CAPN9: variants seen among roughly 807,000 people sequenced by gnomAD.
CAPN9 encodes the protein calpain-9.
A neutral mutation model predicts 92.8 loss-of-function variants in CAPN9; 81 were observed. That is an observed-to-expected ratio of 0.87 (90% CI 0.73 to 1.05). CAPN9 has a LOEUF of 1.05. Ranked by LOEUF, CAPN9 falls within the 50% of genes least tolerant of loss-of-function variation. CAPN9 has a pLI of 0.00. For missense variants in CAPN9, 848 were observed against 866.2 expected (o/e 0.98, Z 0.26); for synonymous variants, 304 against 328.0 (o/e 0.93, Z 0.79).
At position 230,769,166 on chromosome 1, in the gene CAPN9, T is replaced by G; in HGVS notation, c.706-14T>G. On this transcript the variant is annotated splice_polypyrimidine_tract_variant and intron_variant, in intron 5 of 19. Coordinates refer to ENST00000271971, the MANE Select transcript of CAPN9 (RefSeq NM_006615.3). ...TTAGACGGTGGGTGTGACTCTGCTC[T>G]TTCCATGTTTTAGACCAGAAGTGCT... is the stretch of plus-strand genomic sequence containing the variant. The G allele has an allele frequency of 6.2e-7, 1 of 1,611,670 alleles. No homozygotes were observed. Among genetic ancestry groups the G allele is most frequent in the Non-Finnish European group, 8.5e-7 (1 of 1,177,902 alleles).
intron 4 of CAPN9, among the ~76,000 whole-genome samples, chr1:230,763,061 G>C (rs1239497457): frequency 1.3e-5 from 2 of 152,186 alleles, no homozygotes; most frequent in Non-Finnish European, 2.9e-5. Context: ...AAGGCAAGCG[G>C]AGGGGAATTC....
In CAPN9 at chr1:230,769,566, A is replaced by G. The variant is rs541123499; in HGVS notation, c.789+303A>G. Among the ~76,000 whole-genome samples, 5 of 152,348 alleles carry G rather than the reference A, an allele frequency of 3.3e-5. No individual in the cohort carries two copies. In the South Asian group the frequency reaches 1.0e-3, roughly 32 times the overall value. ...GTTAGTCAGGATTCTTCAGAGAAAT[A>G]GAATCACTAGGGAACCAAATATATA... On this transcript the variant is annotated intron_variant, in intron 6 of 19. Coordinates refer to ENST00000271971, the MANE Select transcript of CAPN9 (RefSeq NM_006615.3).
At chr1:230,753,088 A>G (rs1413138271) in intron 1 of CAPN9, among the ~76,000 whole-genome samples, 1 of 152,182 alleles carries the variant, frequency 6.6e-6, no homozygotes, top group South Asian at 2.1e-4. Flanking sequence ...GGGTCCGCAC[A>G]GGCAAGCCAA....
chr1:230,786,886 TG>T (rs1339667881), intron 12 of CAPN9, among the ~76,000 whole-genome samples: 2 of 152,020 alleles, frequency 1.3e-5, no homozygotes, highest in Admixed American at 1.3e-4. Flanking sequence ...AGGGGTGACA[TG>T]GGGGTGGCTT....
chr1:230,750,204 AC>A lies in CAPN9; in HGVS notation c.213+2499del, dbSNP rs533107671. On this transcript the variant is annotated intron_variant, in intron 1 of 19. Transcript: ENST00000271971. ...TACACACAAGCCCCTGCCAAGATGC[AC>A]CCCGACCTGCCACCCAGCCCATGCC... Among the ~76,000 whole-genome samples the A allele has an allele frequency of 2.7e-4, 41 of 152,126 alleles. 2 individuals are homozygous for A. The South Asian group carries it at 8.5e-3, about 32-fold the overall frequency.
At chr1:230,762,604 C>A in intron 3 of CAPN9, 49 bp from the exon 4 acceptor site, 2 of 1,599,538 alleles carry the variant, frequency 1.3e-6, no homozygotes, top group Non-Finnish European at 8.5e-7. Flanking sequence ...GGGCCTGGAG[C>A]TCCCATGTAG....
At chr1:230,785,409 A>G (rs1302837654) in intron 11 of CAPN9, among the ~76,000 whole-genome samples, 1 of 152,140 alleles carries the variant, frequency 6.6e-6, no homozygotes, top group Non-Finnish European at 1.5e-5. Flanking sequence ...GTTGAATTGT[A>G]ATCCCCAGTG....
At chr1:230,759,860 A>G (rs550922374) in intron 3 of CAPN9, among the ~76,000 whole-genome samples, 4 of 152,358 alleles carry the variant, frequency 2.6e-5, no homozygotes, top group African/African-American at 9.6e-5. Context: ...ATTTAAAACT[A>G]TAAGTGATGT....
Position 230,755,199 on chromosome 1 carries a change from C to T in CAPN9, c.214-138C>T, listed in dbSNP as rs55833939. On this transcript the variant is annotated intron_variant, in intron 1 of 19. Coordinates refer to ENST00000271971, the MANE Select transcript of CAPN9 (RefSeq NM_006615.3). ...GAGAGGTGGCAGCCTTTTACATCCA[C>T]GTGGCCCTCCTCAGGGAAAAGAATC... 908 of 664,046 alleles carry T rather than the reference C, an allele frequency of 1.4e-3. 10 individuals are homozygous for T. The African/African-American group carries it at 0.015, about 11-fold the overall frequency. 41.1% of individuals were successfully genotyped at this position (664,046 alleles called of 1,614,324 possible).
intron 3 of CAPN9, 66 bp downstream of exon 3, chr1:230,759,696 C>T (rs926347502): frequency 3.5e-5 from 34 of 975,052 alleles, no homozygotes; most frequent in Non-Finnish European, 4.7e-5. Flanking sequence ...AGGTGCATTT[C>T]CACACTGCCT....
chr1:230,797,651 G>A (rs1019374797), intron 18 of CAPN9, among the ~76,000 whole-genome samples: 4 of 152,144 alleles, frequency 2.6e-5, no homozygotes, highest in African/African-American at 9.7e-5. Context: ...GCCCCAAGAG[G>A]GCAGTGACTT....
chr1:230,779,085 G>C lies in CAPN9; in HGVS notation c.1066G>C (p.Gly356Arg). 1 of 1,613,328 alleles carries C rather than the reference G, an allele frequency of 6.2e-7. No individual in the cohort carries two copies. The highest frequency in any genetic ancestry group is 8.5e-7 in the Non-Finnish European group (1 of 1,179,962). The change falls in exon 9 of 20, where the codon GGA becomes CGA. Residue 356 changes from glycine (G) to arginine (R), a missense_variant. Coordinates refer to ENST00000271971, the MANE Select transcript of CAPN9 (RefSeq NM_006615.3). ...IHKWEVTVHQ[G>R]SWVRGSTAGG... is the part of the protein sequence containing the mutation. ...CAAATGGGAGGTGACGGTCCATCAGGGAAGCTGGGTTCGCGGCTCCACGGC... is the reference window on the plus strand; with the variant it reads ...CAAATGGGAGGTGACGGTCCATCAGCGAAGCTGGGTTCGCGGCTCCACGGC...
chr1:230,771,345 T>C (rs12129824), intron 6 of CAPN9, among the ~76,000 whole-genome samples: 41,587 of 152,254 alleles, frequency 0.27, 6,145 homozygotes, highest in Non-Finnish European at 0.34. Flanking sequence ...CTCTCTCCTC[T>C]AAAACCCTTC....
intron 19 of CAPN9, among the ~76,000 whole-genome samples, chr1:230,800,898 G>A (rs955214438): frequency 6.6e-6 from 1 of 152,064 alleles, no homozygotes; most frequent in African/African-American, 2.4e-5. Context: ...GGCTGAGTTG[G>A]CCTCACCTGC....
rs536935867 is a variant in CAPN9, at chr1:230,791,098, G to A, written c.1658-766G>A. On this transcript the variant is annotated intron_variant, in intron 14 of 19. Transcript: ENST00000271971. Reference sequence around the variant, plus strand: ...CCAGACAACATTCCATCGTATGGATGGGCCCTGTTCTGTTTATTCATTCAT... The same window carrying A: ...CCAGACAACATTCCATCGTATGGATAGGCCCTGTTCTGTTTATTCATTCAT... 3.9e-5 allele frequency among the ~76,000 whole-genome samples: 6 copies of A among 152,256 alleles called. No homozygotes were observed. The South Asian group carries it at 1.2e-3, about 32-fold the overall frequency.
chr1:230,755,320 C>G lies in CAPN9; in HGVS notation c.214-17C>G, dbSNP rs1665153726. 1 of 1,605,062 alleles carries G rather than the reference C, an allele frequency of 6.2e-7. No individual in the cohort carries two copies. The highest frequency in any genetic ancestry group is 8.5e-7 in the Non-Finnish European group (1 of 1,173,638). ...AGCATGGCAGGCCTCAGCCTAATAA[C>G]ACTCTCATTCCTCCAGGAAATCGTG... is the stretch of plus-strand genomic sequence containing the variant. On this transcript the variant is annotated splice_polypyrimidine_tract_variant and intron_variant, in intron 1 of 19. Coordinates refer to ENST00000271971, the MANE Select transcript of CAPN9 (RefSeq NM_006615.3).
At chr1:230,795,717 C>T (rs190261324) in intron 18 of CAPN9, among the ~76,000 whole-genome samples, 8 of 152,060 alleles carry the variant, frequency 5.3e-5, no homozygotes, top group East Asian at 1.9e-4. Context: ...ATTATGTGCC[C>T]GTGCGCTTCA....
rs538229778 is a variant in CAPN9, at chr1:230,786,122, T to A, written c.1518+105T>A. ...TAAAACTCTGCAGTTCAGGGATGGTTACATGCAATCAAGTAAGCATCTATG... is the reference window on the plus strand; with the variant it reads ...TAAAACTCTGCAGTTCAGGGATGGTAACATGCAATCAAGTAAGCATCTATG... On this transcript the variant is annotated intron_variant, in intron 12 of 19. Transcript: ENST00000271971. 1.1e-5 allele frequency: 18 copies of A among 1,601,398 alleles called. 1 individual carries two copies. The South Asian group carries it at 1.8e-4, about 16-fold the overall frequency.
chr1:230,769,573 C>T (rs947300486), intron 6 of CAPN9, among the ~76,000 whole-genome samples: 11 of 152,170 alleles, frequency 7.2e-5, no homozygotes, highest in African/African-American at 2.4e-4. Flanking sequence ...AATAGAATCA[C>T]TAGGGAACCA....
Sources: gnomAD v4.1 joint callset for allele counts (sites outside exome capture counted in the v4.1 genomes callset) on GRCh38, gnomAD v4.1.1 for gene constraint, MANE v1.5 for transcripts, NCBI Gene and HGNC (gene_info 2026-07-23, HGNC 2026-07-21) for gene names.